The following TMEM132C variants were observed in gnomAD, a reference collection of about 807,000 sequenced individuals.
The protein encoded by TMEM132C is protein phosphatase 1, regulatory subunit 152.
TMEM132C carries 29 observed loss-of-function variants against 61.4 expected under a neutral mutation model. The ratio of observed to expected loss-of-function variants is 0.47; its 90% CI spans 0.35 to 0.64. The LOEUF (loss-of-function observed/expected upper bound fraction) is 0.64, where lower values mean the gene tolerates loss of function less well. Ranked by LOEUF, TMEM132C falls within the 30% of genes least tolerant of loss-of-function variation. TMEM132C has a pLI of 0.00. For synonymous variants in TMEM132C, 656 were observed against 633.1 expected (o/e 1.04, Z -0.54); for missense variants, 1,408 against 1,476.9 (o/e 0.95, Z 0.76).
chr12:128,527,729 G>GTGTA (rs1399893640), intron 2 of TMEM132C, among the ~76,000 whole-genome samples: 4 of 151,792 alleles, frequency 2.6e-5, no homozygotes, highest in Non-Finnish European at 5.9e-5. Context: ...GTGTGTGTGT[G>GTGTA]TGTGTTACAT....
At chr12:128,632,602 G>A (rs940613862) in intron 4 of TMEM132C, among the ~76,000 whole-genome samples, 1 of 152,188 alleles carries the variant, frequency 6.6e-6, no homozygotes, top group African/African-American at 2.4e-5. Flanking sequence ...TTCCGACTAC[G>A]AAAATGGGAA....
intron 2 of TMEM132C, among the ~76,000 whole-genome samples, chr12:128,516,616 TA>T (rs1872728499): frequency 6.6e-6 from 1 of 150,986 alleles, no homozygotes; most frequent in Admixed American, 6.6e-5. Context: ...AAAAAAACCT[TA>T]AAAAAAAGAT....
At chr12:128,677,029 C>T (rs1356956696) in intron 5 of TMEM132C, among the ~76,000 whole-genome samples, 1 of 152,210 alleles carries the variant, frequency 6.6e-6, no homozygotes, top group African/African-American at 2.4e-5. Context: ...ACTTGCCCAA[C>T]AATAACCCCA....
chr12:128,654,875 A>G (rs1954308679), intron 4 of TMEM132C, among the ~76,000 whole-genome samples: 1 of 152,174 alleles, frequency 6.6e-6, no homozygotes, highest in African/African-American at 2.4e-5. Flanking sequence ...TGTATTGATG[A>G]AGAAAGTCTT....
rs148558135 is a variant in TMEM132C, at chr12:128,542,278, G to A, written c.975-1679G>A. On this transcript the variant is annotated intron_variant, in intron 2 of 8. Coordinates refer to ENST00000435159, the MANE Select transcript of TMEM132C (RefSeq NM_001136103.3). ...TTGCTGCGGCTGCATTTCCTCTTCCGGTCATGGGATTATGCCTTTTATTTT... is the reference window on the plus strand; with the variant it reads ...TTGCTGCGGCTGCATTTCCTCTTCCAGTCATGGGATTATGCCTTTTATTTT... Among the ~76,000 whole-genome samples the A allele has an allele frequency of 3.0e-3, 451 of 152,054 alleles. 4 individuals carry two copies. The highest frequency in any genetic ancestry group is 0.01 in the African/African-American group (418 of 41,470).
intron 4 of TMEM132C, among the ~76,000 whole-genome samples, chr12:128,641,330 G>A (rs1173844326): frequency 6.6e-6 from 1 of 152,170 alleles, no homozygotes; most frequent in Non-Finnish European, 1.5e-5. Context: ...GTTGGGTTGT[G>A]TCCCTCAAAG....
At chr12:128,473,333 G>C (rs142358176) in intron 2 of TMEM132C, among the ~76,000 whole-genome samples, 212 of 2,008 alleles carry the variant, frequency 0.11, no homozygotes, top group Middle Eastern at 0.5. Context: ...TTCATCTTCA[G>C]TCCAGCCTCC....
At chr12:128,550,334 G>T (rs1321494748) in intron 3 of TMEM132C, among the ~76,000 whole-genome samples, 1 of 150,324 alleles carries the variant, frequency 6.7e-6, no homozygotes, top group Non-Finnish European at 1.5e-5. Flanking sequence ...ACAGGGTCTC[G>T]CTCTGTCACC....
At position 128,301,235 on chromosome 12, in the gene TMEM132C, A is replaced by C. The variant is rs117383957; in HGVS notation, c.85+33748A>C. Among the ~76,000 whole-genome samples, 280 of 151,732 alleles carry C rather than the reference A, an allele frequency of 1.8e-3. 4 individuals carry two copies. In the East Asian group the frequency reaches 0.045, roughly 24 times the overall value. The stretch of plus-strand genomic sequence containing the variant: ...TGTAGGGAGGAAAAATCAAATAGAC[A>C]CAGAAATGCAGAGAAAAACAGAAAT... On this transcript the variant is annotated intron_variant, in intron 1 of 8. Coordinates refer to ENST00000435159, the MANE Select transcript of TMEM132C (RefSeq NM_001136103.3).
chr12:128,665,738 C>T (rs1215159885), intron 4 of TMEM132C, among the ~76,000 whole-genome samples: 1 of 144,842 alleles, frequency 6.9e-6, no homozygotes, highest in South Asian at 2.1e-4. Flanking sequence ...CACAGGCACA[C>T]ACATACACCC....
intron 5 of TMEM132C, among the ~76,000 whole-genome samples, chr12:128,691,997 C>T (rs1183239268): frequency 4.1e-5 from 6 of 147,538 alleles, no homozygotes; most frequent in African/African-American, 1.6e-4. Context: ...TGTGTCTGTC[C>T]ATCAGTGTGT....
At chr12:128,566,283 A>G (rs956437610) in intron 3 of TMEM132C, among the ~76,000 whole-genome samples, 5 of 152,046 alleles carry the variant, frequency 3.3e-5, no homozygotes, top group Non-Finnish European at 7.3e-5. Context: ...ATGCTACTAA[A>G]GAGGATAACA....
At chr12:128,605,710 A>G (rs779332930) in intron 3 of TMEM132C, among the ~76,000 whole-genome samples, 2 of 152,148 alleles carry the variant, frequency 1.3e-5, no homozygotes, top group Non-Finnish European at 1.5e-5. Flanking sequence ...TTCATGCATG[A>G]GGCACCACTG....
intron 4 of TMEM132C, among the ~76,000 whole-genome samples, chr12:128,642,194 C>T (rs747725141): frequency 1.3e-5 from 2 of 151,826 alleles, no homozygotes; most frequent in African/African-American, 2.4e-5. Flanking sequence ...TGCAGTGGTG[C>T]GATCTCGGCT....
At chr12:128,378,473 C>G (rs1281266774) in intron 1 of TMEM132C, among the ~76,000 whole-genome samples, 1 of 152,166 alleles carries the variant, frequency 6.6e-6, no homozygotes, top group African/African-American at 2.4e-5. Context: ...CTTCACTACC[C>G]AGTGAGGAGA....
At chr12:128,604,047 T>A (rs185220632) in intron 3 of TMEM132C, among the ~76,000 whole-genome samples, 1 of 152,258 alleles carries the variant, frequency 6.6e-6, no homozygotes, top group East Asian at 1.9e-4. Flanking sequence ...TCCCTCCGTG[T>A]CTCTCTCCCT....
chr12:128,500,858 A>G (rs1217711214), intron 2 of TMEM132C, among the ~76,000 whole-genome samples: 2 of 152,220 alleles, frequency 1.3e-5, no homozygotes, highest in Non-Finnish European at 1.5e-5. Context: ...GATTGAAACT[A>G]TATATCTGTA....
chr12:128,376,067 C>T (rs769787446), intron 1 of TMEM132C, among the ~76,000 whole-genome samples: 5 of 152,194 alleles, frequency 3.3e-5, no homozygotes, highest in Non-Finnish European at 7.3e-5. Context: ...TCTGCTTTCC[C>T]GTTTTCCCCT....
chr12:128,438,650 A>C (rs953826566), intron 2 of TMEM132C, among the ~76,000 whole-genome samples: 1 of 152,166 alleles, frequency 6.6e-6, no homozygotes, highest in Admixed American at 6.5e-5. Context: ...AAAGTGAAAA[A>C]TATGGTGGTA....
Sources: allele counts gnomAD v4.1 joint callset (sites outside exome capture counted in the v4.1 genomes callset), GRCh38; gene constraint gnomAD v4.1.1; transcripts MANE v1.5; gene names NCBI Gene and HGNC (gene_info 2026-07-23, HGNC 2026-07-21).